The following SAA2 variants were observed in gnomAD, a reference collection of about 807,000 sequenced individuals.
SAA2 encodes serum amyloid A2.
SAA2 carries 5 observed loss-of-function variants against 9.1 expected under a neutral mutation model. The ratio of observed to expected loss-of-function variants is 0.55; its 90% CI spans 0.29 to 1.16. SAA2 has a LOEUF of 1.16. SAA2 is among the 50% of genes most tolerant of loss of function. The pLI, the probability that SAA2 is intolerant of heterozygous loss-of-function variation, is 0.09. For missense variants in SAA2, 94 were observed against 153.8 expected (o/e 0.61, Z 2.06); for synonymous variants, 49 against 59.8 (o/e 0.82, Z 0.83).
At chr11:18,245,090 A>T (rs1857461885), downstream of SAA2, 2 of 444,340 alleles carry the variant, frequency 4.5e-6, no homozygotes, top group African/African-American at 2.0e-5. Flanking sequence ...GGGTTGATGC[A>T]GGTGTCTGCA....
chr11:18,243,349 C>T (rs1857403666), downstream of SAA2, among the ~76,000 whole-genome samples: 1 of 152,126 alleles, frequency 6.6e-6, no homozygotes, highest in South Asian at 2.1e-4. Flanking sequence ...CCCTTTCTCT[C>T]CCTCCTGCCC....
At chr11:18,242,844 C>A, downstream of SAA2, 3 of 701,324 alleles carry the variant, frequency 4.3e-6, no homozygotes, top group South Asian at 4.5e-5. Flanking sequence ...GAGATGCTGT[C>A]TCAAATAACG....
chr11:18,239,916 GA>G, exon 4 of SAA2: 11 of 1,548,236 alleles, frequency 7.1e-6, no homozygotes, highest in Non-Finnish European at 8.7e-6. Context: ...GGTCATGTAG[GA>G]GTGAAGAAAA....
intron 3 of SAA2, among the ~76,000 whole-genome samples, 182 bp downstream of exon 3, chr11:18,245,728 G>C (rs1445807967): frequency 6.6e-6 from 1 of 152,190 alleles, no homozygotes. Context: ...GGGGGAGGGG[G>C]AGGAATCACT....
intron 2 of SAA2, among the ~76,000 whole-genome samples, chr11:18,246,454 T>C (rs1346893397): frequency 1.3e-5 from 2 of 152,252 alleles, no homozygotes; most frequent in Non-Finnish European, 2.9e-5. Flanking sequence ...CTAAACACTT[T>C]CTCAGTAGGC....
At chr11:18,240,866 A>G (rs1857325706), downstream of SAA2, among the ~76,000 whole-genome samples, 2 of 152,162 alleles carry the variant, frequency 1.3e-5, no homozygotes, top group Admixed American at 6.5e-5. Flanking sequence ...TATATACACA[A>G]GCAGGACTAA....
chr11:18,245,443 A>C lies in SAA2; in HGVS notation c.303T>G (p.Asn101Lys), dbSNP rs764599150. ...AEDSLADQAA[N>K]KWGRSGRDPN... The stretch of plus-strand genomic sequence containing the variant: ...GGTCTCTGCCACTCCTGCCCCATTT[A>C]TTGGCAGCCTGATCGGCCAGCGAGT... The change falls in exon 4 of 4, where the codon AAT (asparagine) becomes AAG (lysine). Residue 101 changes from asparagine (N) to lysine (K), a missense_variant. Transcript: ENST00000256733. 2 of 1,614,126 alleles carry C rather than the reference A, an allele frequency of 1.2e-6. No individual in the cohort carries two copies. Among genetic ancestry groups the C allele is most frequent in the Middle Eastern group, 1.6e-4 (1 of 6,062 alleles).
chr11:18,243,053 G>T (rs939226565), downstream of SAA2, among the ~76,000 whole-genome samples: 1 of 151,806 alleles, frequency 6.6e-6, no homozygotes, highest in African/African-American at 2.4e-5. Flanking sequence ...CTTTTTCCTT[G>T]GATACAAATT....
intron 3 of SAA2, chr11:18,240,095 A>G (rs564664887): frequency 2.3e-6 from 3 of 1,324,736 alleles, no homozygotes; most frequent in African/African-American, 2.9e-5. Flanking sequence ...ACTATTCTTC[A>G]TAGGGGAGGA....
chr11:18,244,313 C>G (rs1228946677), downstream of SAA2, among the ~76,000 whole-genome samples: 3 of 152,186 alleles, frequency 2.0e-5, no homozygotes, highest in Non-Finnish European at 4.4e-5. Context: ...TCTCCTGCCC[C>G]CAAGCAGTTT....
chr11:18,243,889 AC>A (rs1857420296), downstream of SAA2, among the ~76,000 whole-genome samples: 3 of 152,172 alleles, frequency 2.0e-5, no homozygotes, highest in South Asian at 6.2e-4. Flanking sequence ...CTGGAGCTGG[AC>A]CCTGTGAACA....
chr11:18,242,197 G>A (rs1175712040), downstream of SAA2: 3 of 152,152 alleles, frequency 2.0e-5, no homozygotes, highest in Non-Finnish European at 4.4e-5. Flanking sequence ...TTGGGGCTGA[G>A]AAGTCCCACG....
chr11:18,243,844 A>G (rs1857418802), downstream of SAA2, among the ~76,000 whole-genome samples: 1 of 152,054 alleles, frequency 6.6e-6, no homozygotes, highest in Non-Finnish European at 1.5e-5. Context: ...CTTTATTTTC[A>G]GCTCCACACC....
chr11:18,240,173 G>A, intron 3 of SAA2: 1 of 735,014 alleles, frequency 1.4e-6, no homozygotes, highest in Non-Finnish European at 2.4e-6. Context: ...AGTGGACCTG[G>A]GGAATAGAAA....
At chr11:18,244,321 T>C (rs1258589621), downstream of SAA2, among the ~76,000 whole-genome samples, 1 of 152,152 alleles carries the variant, frequency 6.6e-6, no homozygotes, top group African/African-American at 2.4e-5. Context: ...CCCCAAGCAG[T>C]TTCCCAAATT....
chr11:18,242,566 C>G (rs541201463), downstream of SAA2: 153 of 527,862 alleles, frequency 2.9e-4, no homozygotes, highest in African/African-American at 2.8e-3. Context: ...TAACAGTAGG[C>G]TGGGCTCAGT....
chr11:18,239,908 T>C, exon 4 of SAA2: 1 of 1,544,814 alleles, frequency 6.5e-7, no homozygotes, highest in Non-Finnish European at 8.7e-7. Flanking sequence ...AATGCCTGGG[T>C]CATGTAGGAG....
downstream of SAA2, among the ~76,000 whole-genome samples, chr11:18,240,857 A>C (rs1857325400): frequency 6.6e-6 from 1 of 152,162 alleles, no homozygotes; most frequent in Non-Finnish European, 1.5e-5. Flanking sequence ...GCAAAAAAAT[A>C]TATACACAAG....
At chr11:18,242,832 G>T, downstream of SAA2, 1 of 701,510 alleles carries the variant, frequency 1.4e-6, no homozygotes, top group South Asian at 1.5e-5. Context: ...GGATGAAAGA[G>T]GGAGATGCTG....
Sources: gnomAD v4.1 joint callset for allele counts (sites outside exome capture counted in the v4.1 genomes callset) on GRCh38, gnomAD v4.1.1 for gene constraint, MANE v1.5 for transcripts, NCBI Gene and HGNC (gene_info 2026-07-23, HGNC 2026-07-21) for gene names.